SVOPL: variants seen among roughly 807,000 people sequenced by gnomAD.
SVOPL encodes the protein putative transporter SVOPL.
In SVOPL, 60 loss-of-function variants were observed where a neutral mutation model predicts 61.0. The ratio of observed to expected loss-of-function variants is 0.98; its 90% CI spans 0.80 to 1.22. SVOPL has a LOEUF of 1.22. SVOPL is among the 50% of genes most tolerant of loss of function. The pLI is 0.00. For missense variants in SVOPL, 662 were observed against 643.9 expected, an observed-to-expected ratio of 1.03 and a Z score of -0.30; for synonymous variants, 279 against 250.0, an observed-to-expected ratio of 1.12 and a Z score of -1.09.
At chr7:138,626,195 G>A in intron 12 of SVOPL, 145 bp from the exon 13 acceptor site, 1 of 724,486 alleles carries the variant, frequency 1.4e-6, no homozygotes, top group Non-Finnish European at 2.3e-6. Flanking sequence ...CAGCTGGCCT[G>A]ATTGTGGGGT....
intron 3 of SVOPL, among the ~76,000 whole-genome samples, chr7:138,676,056 A>G (rs1481673009): frequency 6.6e-6 from 1 of 151,942 alleles, no homozygotes; most frequent in Non-Finnish European, 1.5e-5. Context: ...GGCTGGTCTC[A>G]GACTCCTGAC....
At chr7:138,620,977 G>C (rs996681430) in intron 14 of SVOPL, 69 bp downstream of exon 14, 2 of 1,395,876 alleles carry the variant, frequency 1.4e-6, no homozygotes, top group Middle Eastern at 3.5e-4. Context: ...CCTTTAATCT[G>C]AAGGTCCCTG....
At chr7:138,610,434 G>C (rs1459621589) in intron 14 of SVOPL, among the ~76,000 whole-genome samples, 3 of 151,282 alleles carry the variant, frequency 2.0e-5, no homozygotes, top group African/African-American at 7.3e-5. Flanking sequence ...TATTTTAAAA[G>C]CCTCATTAAA....
rs1411805124 is a variant in SVOPL, at chr7:138,660,000, G to T, written c.346-12C>A. The T allele has an allele frequency of 6.4e-7, 1 of 1,551,294 alleles. No homozygotes were observed. The highest frequency in any genetic ancestry group is 8.7e-7 in the Non-Finnish European group (1 of 1,146,886). On this transcript the variant is annotated splice_polypyrimidine_tract_variant and intron_variant, in intron 5 of 15. Coordinates refer to ENST00000674285, the MANE Select transcript of SVOPL (RefSeq NM_001139456.2). ...GAGATGAGCAGAATCTGAAGCAACA[G>T]CAGAACACATGAATGGGACCTGCCT...
chr7:138,684,131 G>A (rs986486472), intron 1 of SVOPL, among the ~76,000 whole-genome samples: 21 of 151,452 alleles, frequency 1.4e-4, no homozygotes, highest in African/African-American at 4.9e-4. Context: ...TTGGGAGGCC[G>A]AGGCAGGCAG....
chr7:138,598,423 A>G (rs1798370351), intron 14 of SVOPL, among the ~76,000 whole-genome samples: 1 of 152,248 alleles, frequency 6.6e-6, no homozygotes, highest in Non-Finnish European at 1.5e-5. Context: ...TGATAGGACT[A>G]TTAGACAGCA....
chr7:138,626,405 T>C (rs950122784), intron 12 of SVOPL, among the ~76,000 whole-genome samples: 2 of 152,186 alleles, frequency 1.3e-5, no homozygotes, highest in South Asian at 4.1e-4. Flanking sequence ...TAGTAAGACT[T>C]TTTTTAAGAC....
At chr7:138,640,534 G>C (rs1217834381) in intron 9 of SVOPL, among the ~76,000 whole-genome samples, 2 of 152,208 alleles carry the variant, frequency 1.3e-5, no homozygotes, top group Non-Finnish European at 2.9e-5. Flanking sequence ...ACAGGCGTGA[G>C]CCACTGCACC....
chr7:138,637,764 C>G (rs1344410375), intron 9 of SVOPL, among the ~76,000 whole-genome samples: 1 of 151,336 alleles, frequency 6.6e-6, no homozygotes, highest in Non-Finnish European at 1.5e-5. Context: ...CCAACCTGGC[C>G]AACATGGTGA....
chr7:138,622,074 C>CTGTCTA (rs1799636704), intron 13 of SVOPL, among the ~76,000 whole-genome samples: 1 of 24,652 alleles, frequency 4.1e-5, no homozygotes, highest in Admixed American at 4.6e-4. Flanking sequence ...ATCTATGTAT[C>CTGTCTA]TATCTATCTA....
chr7:138,627,289 G>C (rs1363186622), intron 12 of SVOPL, 61 bp downstream of exon 12: 1 of 1,274,182 alleles, frequency 7.8e-7, no homozygotes, highest in Non-Finnish European at 1.1e-6. Context: ...GAACACCATG[G>C]GTCAGGAGAC....
chr7:138,652,768 G>T (rs1205937889), intron 7 of SVOPL, among the ~76,000 whole-genome samples: 1 of 151,982 alleles, frequency 6.6e-6, no homozygotes, highest in East Asian at 1.9e-4. Flanking sequence ...GGGATTACAG[G>T]TGCACGCCAC....
intron 4 of SVOPL, among the ~76,000 whole-genome samples, chr7:138,668,908 A>G (rs1196847645): frequency 1.3e-5 from 2 of 152,076 alleles, no homozygotes; most frequent in African/African-American, 4.8e-5. Flanking sequence ...TCCTCCACCC[A>G]TCAGTCTACC....
chr7:138,600,680 T>C (rs1053481185), intron 14 of SVOPL, among the ~76,000 whole-genome samples: 4 of 151,910 alleles, frequency 2.6e-5, no homozygotes, highest in Non-Finnish European at 5.9e-5. Context: ...TTTATAGACC[T>C]GAATAGACAT....
intron 9 of SVOPL, among the ~76,000 whole-genome samples, chr7:138,638,507 T>C (rs1384700753): frequency 6.6e-6 from 1 of 152,112 alleles, no homozygotes; most frequent in African/African-American, 2.4e-5. Flanking sequence ...AGCGTCCTTG[T>C]ATTGTCTAGC....
rs574746003 is a variant in SVOPL, at chr7:138,677,195, C to T, written c.174+1239G>A. Among the ~76,000 whole-genome samples the T allele has an allele frequency of 4.6e-5, 7 of 152,228 alleles. No homozygotes were observed. In the South Asian group the frequency reaches 6.2e-4, roughly 14 times the overall value. ...CTGGGATTACAGGCGTGAGCCACTG[C>T]GCCCGGCCTCCTGCTCTTTTTCTTA... On this transcript the variant is annotated intron_variant, in intron 3 of 15. Transcript: ENST00000674285.
intron 2 of SVOPL, 93 bp downstream of exon 2, chr7:138,678,871 C>G: frequency 7.6e-7 from 1 of 1,316,064 alleles, no homozygotes; most frequent in Non-Finnish European, 1.0e-6. Context: ...TGCCTGGCTG[C>G]TTCTTTTGAC....
intron 2 of SVOPL, 28 bp downstream of exon 2, chr7:138,678,936 G>T: frequency 6.5e-7 from 1 of 1,544,696 alleles, no homozygotes; most frequent in Non-Finnish European, 8.8e-7. Context: ...GCAGCAGGTT[G>T]AGCTGGAGAC....
intron 4 of SVOPL, among the ~76,000 whole-genome samples, chr7:138,665,446 G>A (rs1216983074): frequency 6.6e-6 from 1 of 151,844 alleles, no homozygotes; most frequent in Non-Finnish European, 1.5e-5. Context: ...CCCAGAGCAG[G>A]AAACAGTCAC....
Sources: allele counts gnomAD v4.1 joint callset (sites outside exome capture counted in the v4.1 genomes callset), GRCh38; gene constraint gnomAD v4.1.1; transcripts MANE v1.5; gene names NCBI Gene and HGNC (gene_info 2026-07-23, HGNC 2026-07-21).